LINGO2: variants seen among roughly 807,000 people sequenced by gnomAD.
The protein encoded by LINGO2 is leucine rich repeat and Ig domain containing 2.
Under a neutral mutation model 30.6 loss-of-function variants are expected in LINGO2, and 14 were observed. The observed-to-expected ratio is 0.46, with a 90% CI of 0.30 to 0.72. The LOEUF is 0.72. LINGO2 is among the 30% of genes least tolerant of loss of function. LINGO2 has a pLI of 0.07. For synonymous variants in LINGO2, 317 were observed against 288.5 expected (o/e 1.10, Z -1.00); for missense variants, 729 against 751.7 (o/e 0.97, Z 0.35).
At chr9:28,245,558 A>G (rs1004358283) in intron 4 of LINGO2, among the ~76,000 whole-genome samples, 3 of 151,888 alleles carry the variant, frequency 2.0e-5, no homozygotes, top group Non-Finnish European at 4.4e-5. Flanking sequence ...GAACCCCATC[A>G]TCTCAGCCCA....
rs1031441022 is a variant in LINGO2, at chr9:28,147,843, C to T, written c.-86-135438G>A. Reference sequence around the variant, plus strand: ...CGCTGGGCTCCTAAGCACTCCTCCACACCCTGGCTCTGTCACCAGCCCCAT... The same window carrying T: ...CGCTGGGCTCCTAAGCACTCCTCCATACCCTGGCTCTGTCACCAGCCCCAT... On this transcript the variant is annotated intron_variant, in intron 4 of 5. Transcript: ENST00000379992. This position sits in a 1 kb window ranked among gnomAD's most constrained non-coding sequence, Gnocchi z 4.7. 1.3e-5 allele frequency among the ~76,000 whole-genome samples: 2 copies of T among 152,186 alleles called. No individual in the cohort carries two copies. Among genetic ancestry groups the T allele is most frequent in the African/African-American group, 4.8e-5 (2 of 41,458 alleles).
At chr9:28,872,913 C>A in the LINGO2 span, among the ~76,000 whole-genome samples, 80 of 152,070 alleles carry the variant, frequency 5.3e-4, no homozygotes, top group Admixed American at 2.0e-3. Context: ...AATTGAAAAT[C>A]AAATGATGAT....
At chr9:29,207,058 T>C in the LINGO2 span, among the ~76,000 whole-genome samples, 1 of 151,814 alleles carries the variant, frequency 6.6e-6, no homozygotes, top group Non-Finnish European at 1.5e-5. Flanking sequence ...TATGTAAATA[T>C]ACATATGTAC....
At chr9:28,588,729 T>G (rs1156496273) in intron 1 of LINGO2, among the ~76,000 whole-genome samples, 8 of 151,978 alleles carry the variant, frequency 5.3e-5, no homozygotes, top group African/African-American at 1.4e-4. Context: ...ATTTAGAAAT[T>G]TTATAGTTCC....
At chr9:28,529,558 A>C (rs1253120517) in intron 1 of LINGO2, among the ~76,000 whole-genome samples, 12 of 152,028 alleles carry the variant, frequency 7.9e-5, no homozygotes, top group Non-Finnish European at 1.5e-5. Flanking sequence ...AGCCCTAACT[A>C]AACTATTCCT....
chr9:28,087,181 C>T (rs948762352), intron 4 of LINGO2, among the ~76,000 whole-genome samples: 8 of 152,044 alleles, frequency 5.3e-5, no homozygotes, highest in South Asian at 2.1e-4. Flanking sequence ...CAGCTGACTA[C>T]AGATGCATAT....
chr9:29,138,028 TC>T, the LINGO2 span, among the ~76,000 whole-genome samples: 1 of 151,988 alleles, frequency 6.6e-6, no homozygotes, highest in Admixed American at 6.6e-5. Flanking sequence ...GTGAAGTTTC[TC>T]TTTTTTTATT....
At chr9:28,525,856 C>T (rs964319171) in intron 1 of LINGO2, among the ~76,000 whole-genome samples, 5 of 151,900 alleles carry the variant, frequency 3.3e-5, no homozygotes, top group East Asian at 1.9e-4. Context: ...GAGATGGAGA[C>T]CATCCTGGCT....
chr9:28,314,965 G>C (rs578006942), intron 3 of LINGO2, among the ~76,000 whole-genome samples: 2 of 148,728 alleles, frequency 1.3e-5, no homozygotes, highest in Non-Finnish European at 3.0e-5. Flanking sequence ...AGCCGAGATC[G>C]CGCCACTCCA....
chr9:28,925,163 A>G, the LINGO2 span, among the ~76,000 whole-genome samples: 2 of 152,230 alleles, frequency 1.3e-5, no homozygotes, highest in Non-Finnish European at 2.9e-5. Context: ...TGGTTAAAAA[A>G]TAAAATTTAA....
the LINGO2 span, among the ~76,000 whole-genome samples, chr9:28,883,628 G>GTGTGTGTGTATATA: frequency 9.3e-5 from 6 of 64,176 alleles, no homozygotes; most frequent in Non-Finnish European, 1.2e-4. Context: ...ATGTGTGTGT[G>GTGTGTGTGTATATA]TATATATATA....
chr9:28,725,209 T>C, the LINGO2 span, among the ~76,000 whole-genome samples: 76 of 152,092 alleles, frequency 5.0e-4, no homozygotes, highest in African/African-American at 1.8e-3. Flanking sequence ...CCTATATGTA[T>C]GCGTATTTTT....
intron 1 of LINGO2, among the ~76,000 whole-genome samples, chr9:28,562,716 G>C (rs1482779455): frequency 6.6e-6 from 1 of 151,946 alleles, no homozygotes; most frequent in South Asian, 2.1e-4. Flanking sequence ...CCATTTTTCT[G>C]ACAGATTTTA....
At chr9:28,852,187 C>T in the LINGO2 span, among the ~76,000 whole-genome samples, 1 of 151,892 alleles carries the variant, frequency 6.6e-6, no homozygotes, top group Non-Finnish European at 1.5e-5. Context: ...AATGAACTGA[C>T]CCAGTCTAAG....
At chr9:28,324,350 A>G (rs1825149173) in intron 3 of LINGO2, among the ~76,000 whole-genome samples, 1 of 152,164 alleles carries the variant, frequency 6.6e-6, no homozygotes, top group Non-Finnish European at 1.5e-5. Flanking sequence ...AACCAGGTAT[A>G]GTTGTCAGAG....
the LINGO2 span, among the ~76,000 whole-genome samples, chr9:28,876,088 T>A: frequency 2.6e-5 from 4 of 152,054 alleles, no homozygotes; most frequent in Admixed American, 1.3e-4. Context: ...CTCTGCTGGG[T>A]CTATGGACTA....
Position 28,479,421 on chromosome 9 carries a change from G to A in LINGO2, c.-364-3396C>T, listed in dbSNP as rs948364295. ...AGGACAATATGCCAAAATAAGAAGT[G>A]TTTGCAAAAGCACAGGAAATGTCAT... On this transcript the variant is annotated intron_variant, in intron 1 of 5. Coordinates refer to ENST00000379992, the Ensembl canonical transcript of LINGO2. Among the ~76,000 whole-genome samples the A allele has an allele frequency of 7.9e-5, 12 of 151,838 alleles. 1 individual carries two copies. Among genetic ancestry groups the A allele is most frequent in the Non-Finnish European group, 1.5e-4 (10 of 67,838 alleles).
chr9:28,972,756 G>A, the LINGO2 span, among the ~76,000 whole-genome samples: 1 of 152,144 alleles, frequency 6.6e-6, no homozygotes, highest in African/African-American at 2.4e-5. Flanking sequence ...AGGTGAAGGA[G>A]TAGCAAAGGC....
At chr9:28,249,183 A>G (rs922137651) in intron 4 of LINGO2, among the ~76,000 whole-genome samples, 26 of 152,248 alleles carry the variant, frequency 1.7e-4, no homozygotes, top group African/African-American at 5.5e-4. Context: ...CATTCAATAT[A>G]TATTCCTAAA....
Sources: gnomAD v4.1 joint callset for allele counts (sites outside exome capture counted in the v4.1 genomes callset) on GRCh38, gnomAD v4.1.1 for gene constraint, Gnocchi (gnomAD v3.1) non-coding constraint, MANE v1.5 for transcripts, NCBI Gene and HGNC (gene_info 2026-07-23, HGNC 2026-07-21) for gene names.